PLXDC2: variants seen among roughly 807,000 people sequenced by gnomAD.
PLXDC2 encodes the protein plexin domain containing 2, also known as plexin domain-containing protein 2.
Under a neutral mutation model 68.9 loss-of-function variants are expected in PLXDC2, and 40 were observed. The ratio of observed to expected loss-of-function variants is 0.58; its 90% CI spans 0.45 to 0.76. The LOEUF is 0.76. Ranked by LOEUF, PLXDC2 falls within the 30% of genes least tolerant of loss-of-function variation. PLXDC2 has a pLI of 0.00. For synonymous variants in PLXDC2, 243 were observed against 234.2 expected, an observed-to-expected ratio of 1.04 and a Z score of -0.34; for missense variants, 644 against 661.9, an observed-to-expected ratio of 0.97 and a Z score of 0.30.
intron 5 of PLXDC2, among the ~76,000 whole-genome samples, chr10:20,146,326 C>CTTCTTTTCTTTTCTCTTCCTTCT (rs948651776): frequency 1.3e-5 from 2 of 151,320 alleles, no homozygotes; most frequent in Middle Eastern, 3.2e-3. Flanking sequence ...TTTGTTTTCT[C>CTTCTTTTCTTTTCTCTTCCTTCT]TTCTTTTCTT....
intron 1 of PLXDC2, among the ~76,000 whole-genome samples, chr10:19,904,502 G>A (rs1413700577): frequency 3.3e-5 from 5 of 151,732 alleles, no homozygotes; most frequent in Non-Finnish European, 4.4e-5. Context: ...CCCAGCAACA[G>A]CATTGAGTCT....
intron 1 of PLXDC2, among the ~76,000 whole-genome samples, chr10:19,949,054 G>A (rs1833952347): frequency 7.0e-6 from 1 of 143,742 alleles, no homozygotes; most frequent in Admixed American, 7.3e-5. Flanking sequence ...TTGAACCCAG[G>A]AGGCAGAGGT....
At chr10:19,952,415 C>T (rs574688483) in intron 1 of PLXDC2, among the ~76,000 whole-genome samples, 13 of 152,126 alleles carry the variant, frequency 8.5e-5, no homozygotes, top group Non-Finnish European at 1.8e-4. Flanking sequence ...GAAAATCAAC[C>T]GTCTAAATTC....
chr10:20,098,032 C>T (rs1228972432), intron 4 of PLXDC2, among the ~76,000 whole-genome samples: 2 of 150,814 alleles, frequency 1.3e-5, no homozygotes, highest in East Asian at 1.9e-4. Flanking sequence ...AACTATATGG[C>T]GGATATAAAA....
chr10:19,935,072 T>C (rs1171142094), intron 1 of PLXDC2, among the ~76,000 whole-genome samples: 4 of 152,210 alleles, frequency 2.6e-5, no homozygotes. Context: ...AAATTCATTG[T>C]TCTGCTCATC....
chr10:20,246,143 C>T (rs527780274), intron 13 of PLXDC2, among the ~76,000 whole-genome samples: 3 of 152,282 alleles, frequency 2.0e-5, no homozygotes, highest in East Asian at 1.9e-4. Context: ...TCTTCATGTA[C>T]GGAATGTAGG....
intron 1 of PLXDC2, among the ~76,000 whole-genome samples, chr10:19,930,338 G>C (rs995892272): frequency 6.6e-6 from 1 of 152,094 alleles, no homozygotes; most frequent in African/African-American, 2.4e-5. Flanking sequence ...AAACAGCCGG[G>C]TTGGTTTTTT....
At chr10:20,172,938 A>G (rs1834468213) in intron 7 of PLXDC2, among the ~76,000 whole-genome samples, 1 of 152,192 alleles carries the variant, frequency 6.6e-6, no homozygotes, top group South Asian at 2.1e-4. Context: ...GAGAATTAGA[A>G]CTACAGAGAG....
intron 1 of PLXDC2, among the ~76,000 whole-genome samples, chr10:19,825,753 G>A (rs1425138303): frequency 6.6e-6 from 1 of 152,138 alleles, no homozygotes; most frequent in Non-Finnish European, 1.5e-5. Context: ...TACATTTCAG[G>A]TACTGCTCAT....
At chr10:19,838,568 A>T (rs1836841675) in intron 1 of PLXDC2, among the ~76,000 whole-genome samples, 1 of 152,226 alleles carries the variant, frequency 6.6e-6, no homozygotes, top group Non-Finnish European at 1.5e-5. Flanking sequence ...GATGAACTGA[A>T]GTCAATTATT....
rs147051231 is a variant in PLXDC2, at chr10:20,210,788, A to G, written c.1062-881A>G. Among the ~76,000 whole-genome samples the G allele has an allele frequency of 1.3e-3, 191 of 152,300 alleles. 2 individuals carry two copies. In the Middle Eastern group the frequency reaches 0.034, roughly 27 times the overall value. The stretch of plus-strand genomic sequence containing the variant: ...TTGCCAGTTGTCTTCTCCCAGTGGA[A>G]TTGCACAGATGATACTTAATTTCCC... On this transcript the variant is annotated intron_variant, in intron 9 of 13. Transcript: ENST00000377252.
intron 1 of PLXDC2, among the ~76,000 whole-genome samples, chr10:19,929,008 G>A (rs2131387426): frequency 6.6e-6 from 1 of 151,824 alleles, no homozygotes; most frequent in East Asian, 2.0e-4. Flanking sequence ...GCCCACTTCG[G>A]CCTCCCAAAG....
intron 1 of PLXDC2, among the ~76,000 whole-genome samples, chr10:19,823,840 T>C (rs1016031598): frequency 2.6e-5 from 4 of 151,920 alleles, no homozygotes; most frequent in African/African-American, 4.8e-5. Flanking sequence ...TTTTTTGTTT[T>C]GTTTTGTTTT....
chr10:20,058,047 TG>T (rs1335824024), intron 3 of PLXDC2, among the ~76,000 whole-genome samples: 1 of 152,214 alleles, frequency 6.6e-6, no homozygotes, highest in Admixed American at 6.5e-5. Context: ...GAATTAAAAT[TG>T]AACTTGGTCT....
chr10:20,051,473 A>T (rs948268701), intron 3 of PLXDC2, among the ~76,000 whole-genome samples: 14 of 146,592 alleles, frequency 9.6e-5, no homozygotes, highest in Non-Finnish European at 6.0e-5. Flanking sequence ...GTATCTCAAG[A>T]TGCAATATAC....
intron 7 of PLXDC2, among the ~76,000 whole-genome samples, chr10:20,175,352 CTG>C (rs1286058881): frequency 6.6e-6 from 1 of 152,180 alleles, no homozygotes; most frequent in Non-Finnish European, 1.5e-5. Context: ...CACAGCAAAA[CTG>C]TGGTTTGAGC....
intron 2 of PLXDC2, among the ~76,000 whole-genome samples, chr10:20,031,656 T>G (rs1835502735): frequency 6.6e-6 from 1 of 152,054 alleles, no homozygotes; most frequent in Non-Finnish European, 1.5e-5. Flanking sequence ...TGACCTTTTT[T>G]CTAGGAGGTG....
chr10:20,186,090 A>C (rs1170265771), intron 9 of PLXDC2, among the ~76,000 whole-genome samples: 1 of 151,988 alleles, frequency 6.6e-6, no homozygotes, highest in Non-Finnish European at 1.5e-5. Context: ...GCCAAGTTTA[A>C]AATTAAAAAT....
At chr10:20,003,868 G>A (rs1021342446) in intron 2 of PLXDC2, among the ~76,000 whole-genome samples, 4 of 152,172 alleles carry the variant, frequency 2.6e-5, no homozygotes, top group African/African-American at 9.7e-5. Context: ...GCTGACTACT[G>A]CCAAGGCTGT....
Sources: gnomAD v4.1 joint callset for allele counts (sites outside exome capture counted in the v4.1 genomes callset) on GRCh38, gnomAD v4.1.1 for gene constraint, MANE v1.5 for transcripts, NCBI Gene and HGNC (gene_info 2026-07-23, HGNC 2026-07-21) for gene names.